C1QTNF7: variants seen among roughly 807,000 people sequenced by gnomAD.
C1QTNF7 encodes the protein complement C1q tumor necrosis factor-related protein 7.
A neutral mutation model predicts 19.6 loss-of-function variants in C1QTNF7; 15 were observed. The observed-to-expected ratio is 0.76, with a 90% CI of 0.51 to 1.18. The LOEUF is 1.18. Ranked by LOEUF, C1QTNF7 falls within the 50% of genes most tolerant of loss-of-function variation. The pLI, the probability that C1QTNF7 is intolerant of heterozygous loss-of-function variation, is 0.00. For synonymous variants in C1QTNF7, 142 were observed against 137.5 expected, an observed-to-expected ratio of 1.03 and a Z score of -0.23; for missense variants, 324 against 359.7, an observed-to-expected ratio of 0.90 and a Z score of 0.80.
At chr4:15,394,544 G>A (rs566021331) in intron 1 of C1QTNF7, among the ~76,000 whole-genome samples, 36 of 152,344 alleles carry the variant, frequency 2.4e-4, no homozygotes, top group African/African-American at 8.2e-4. Context: ...GTGGAAGAAT[G>A]CACACACAAA....
At chr4:15,372,250 G>A (rs187093965) in intron 1 of C1QTNF7, among the ~76,000 whole-genome samples, 6 of 152,262 alleles carry the variant, frequency 3.9e-5, no homozygotes, top group African/African-American at 1.4e-4. Context: ...AGATAGAGGC[G>A]TTCATAGCTA....
intron 1 of C1QTNF7, chr4:15,374,591 C>T: frequency 2.0e-6 from 2 of 985,346 alleles, no homozygotes; most frequent in Non-Finnish European, 2.4e-6. Flanking sequence ...TCTCTGCCAC[C>T]GCTCAAAGCC....
chr4:15,385,051 CT>C (rs1718281388), intron 1 of C1QTNF7, among the ~76,000 whole-genome samples: 1 of 152,238 alleles, frequency 6.6e-6, no homozygotes, highest in Non-Finnish European at 1.5e-5. Context: ...CTCTTTCTCT[CT>C]TTTTCTGTCT....
At chr4:15,436,097 A>G (rs1712526287) in intron 2 of C1QTNF7, 116 bp downstream of exon 2, 2 of 1,407,294 alleles carry the variant, frequency 1.4e-6, no homozygotes, top group African/African-American at 2.9e-5. Context: ...CTGTACTTTC[A>G]TTAATCGTAA....
chr4:15,368,219 C>T (rs894821613), intron 1 of C1QTNF7, among the ~76,000 whole-genome samples: 2 of 152,034 alleles, frequency 1.3e-5, no homozygotes, highest in African/African-American at 2.4e-5. Flanking sequence ...AAGAGTCACC[C>T]GTGTGGTTGG....
chr4:15,432,221 C>T (rs577566062), intron 1 of C1QTNF7, among the ~76,000 whole-genome samples: 2 of 152,254 alleles, frequency 1.3e-5, no homozygotes, highest in South Asian at 2.1e-4. Context: ...CACCATGTAA[C>T]ATGAAGCTTT....
chr4:15,379,980 G>A lies in C1QTNF7; in HGVS notation c.13+39773G>A, dbSNP rs1165337526. On this transcript the variant is annotated intron_variant, in intron 1 of 2. Coordinates refer to the C1QTNF7 transcript ENST00000295297. ...CGTTGGTTGAAGTGATGTCCAGATTGTCTGGAAGGGCCACAGTTGCTTGGA... is the reference window on the plus strand; with the variant it reads ...CGTTGGTTGAAGTGATGTCCAGATTATCTGGAAGGGCCACAGTTGCTTGGA... Among the ~76,000 whole-genome samples, 7 of 152,288 alleles carry A rather than the reference G, an allele frequency of 4.6e-5. No homozygotes were observed. In the South Asian group the frequency reaches 1.5e-3, roughly 32 times the overall value.
chr4:15,371,879 T>C (rs935189028), intron 1 of C1QTNF7, among the ~76,000 whole-genome samples: 1 of 152,152 alleles, frequency 6.6e-6, no homozygotes, highest in Non-Finnish European at 1.5e-5. Context: ...CTTCTCATGG[T>C]GCTCTGGGTA....
intron 1 of C1QTNF7, among the ~76,000 whole-genome samples, chr4:15,373,154 G>A (rs1717793776): frequency 6.6e-6 from 1 of 152,196 alleles, no homozygotes; most frequent in African/African-American, 2.4e-5. Context: ...AGATCAAGGT[G>A]CCAACAGGTT....
intron 1 of C1QTNF7, among the ~76,000 whole-genome samples, chr4:15,414,559 C>A (rs1719520060): frequency 6.6e-6 from 1 of 151,942 alleles, no homozygotes; most frequent in African/African-American, 2.4e-5. Context: ...GAGAGTTCTG[C>A]CTGCATCTCG....
Position 15,444,458 on chromosome 4 carries a change from G to A in C1QTNF7, c.*1659G>A, listed in dbSNP as rs1025797269. ...AAAGGTGCTCCCCACTTCCCAGATG[G>A]TGCGGCGGCTGGCCAGAGGCACTCT... is the stretch of plus-strand genomic sequence containing the variant. On this transcript the variant is annotated 3_prime_UTR_variant, in exon 3 of 3. Coordinates refer to ENST00000444304, the MANE Select transcript of C1QTNF7 (RefSeq NM_031911.5). 3 of 152,114 alleles carry A rather than the reference G, an allele frequency of 2.0e-5. No individual in the cohort carries two copies. Among genetic ancestry groups the A allele is most frequent in the African/African-American group, 7.3e-5 (3 of 41,378 alleles). The allele number at this position is 152,114 out of a possible 1,614,324, so 9.4% of individuals were successfully genotyped here. A position where few individuals can be genotyped will look rare whatever the true frequency, so the allele number is the denominator to read the frequency against.
At chr4:15,406,636 C>A (rs564824190) in intron 1 of C1QTNF7, among the ~76,000 whole-genome samples, 1 of 152,116 alleles carries the variant, frequency 6.6e-6, no homozygotes, top group African/African-American at 2.4e-5. Flanking sequence ...CTGGCAAAAA[C>A]AAAAATTAAA....
chr4:15,386,126 G>A lies in C1QTNF7; in HGVS notation c.13+45919G>A, dbSNP rs565324169. 4.6e-5 allele frequency among the ~76,000 whole-genome samples: 7 copies of A among 152,270 alleles called. No individual in the cohort carries two copies. The South Asian group carries it at 1.2e-3, about 27-fold the overall frequency. Reference sequence around the variant, plus strand: ...CAGAGTGCTGTCCCTCAGAGAGCAGGGAGGATGTCCGCATCCCAGCCCGGC... The same window carrying A: ...CAGAGTGCTGTCCCTCAGAGAGCAGAGAGGATGTCCGCATCCCAGCCCGGC... On this transcript the variant is annotated intron_variant, in intron 1 of 2. Coordinates refer to the C1QTNF7 transcript ENST00000295297.
At chr4:15,405,247 C>T (rs1719149242) in intron 1 of C1QTNF7, among the ~76,000 whole-genome samples, 1 of 152,190 alleles carries the variant, frequency 6.6e-6, no homozygotes, top group Non-Finnish European at 1.5e-5. Context: ...TGTCGAATGA[C>T]AGCAGGCGGG....
intron 1 of C1QTNF7, among the ~76,000 whole-genome samples, chr4:15,366,803 C>G (rs939898621): frequency 2.0e-5 from 3 of 152,164 alleles, no homozygotes; most frequent in Admixed American, 6.5e-5. Context: ...GATCTACCAA[C>G]TAAGTGAGAG....
In C1QTNF7 at chr4:15,385,167, G is replaced by A. The variant is rs534519610; in HGVS notation, c.13+44960G>A. On this transcript the variant is annotated intron_variant, in intron 1 of 2. Transcript: ENST00000295297. ...CAGTAACAGAGAGGCAGAACTAAGC[G>A]CTCACCAAGTACCTGGCACTATTGT... Among the ~76,000 whole-genome samples, 158 of 152,294 alleles carry A rather than the reference G, an allele frequency of 1.0e-3. 1 individual carries two copies. Among genetic ancestry groups the A allele is most frequent in the African/African-American group, 3.3e-3 (137 of 41,552 alleles).
intron 1 of C1QTNF7, among the ~76,000 whole-genome samples, chr4:15,384,657 G>C (rs1400036331): frequency 6.6e-6 from 1 of 152,182 alleles, no homozygotes. Context: ...AAATGAAAGG[G>C]AGTTAATCTA....
chr4:15,426,775 T>A (rs959606895), upstream of C1QTNF7, among the ~76,000 whole-genome samples: 1 of 152,156 alleles, frequency 6.6e-6, no homozygotes, highest in Non-Finnish European at 1.5e-5. Flanking sequence ...AAGTTATCAC[T>A]TATAAACAAA....
chr4:15,350,207 A>G (rs1206681515), intron 1 of C1QTNF7, among the ~76,000 whole-genome samples: 2 of 63,098 alleles, frequency 3.2e-5, no homozygotes, highest in African/African-American at 4.6e-5. Flanking sequence ...GGGAAGAAGG[A>G]AGGAAGGGAG....
Sources: allele counts gnomAD v4.1 joint callset (sites outside exome capture counted in the v4.1 genomes callset), GRCh38; gene constraint gnomAD v4.1.1; transcripts MANE v1.5; gene names NCBI Gene and HGNC (gene_info 2026-07-23, HGNC 2026-07-21).